Variants in PLEKHM3 observed in about 807,000 individuals in gnomAD.
The protein encoded by PLEKHM3 is pleckstrin homology domain containing M3.
A neutral mutation model predicts 81.8 loss-of-function variants in PLEKHM3; 45 were observed. That is an observed-to-expected ratio of 0.55 (90% CI 0.43 to 0.71). PLEKHM3 has a LOEUF of 0.71. PLEKHM3 is among the 30% of genes least tolerant of loss of function. The probability of loss-of-function intolerance (pLI) is 0.00; values close to 1 mark genes in which losing one functional copy is unlikely to be tolerated. For missense variants in PLEKHM3, 788 were observed against 924.3 expected, an observed-to-expected ratio of 0.85 and a Z score of 1.91; for synonymous variants, 352 against 356.4, an observed-to-expected ratio of 0.99 and a Z score of 0.14.
chr2:207,987,820 A>G (rs1691777784), intron 2 of PLEKHM3, among the ~76,000 whole-genome samples: 1 of 152,002 alleles, frequency 6.6e-6, no homozygotes, highest in African/African-American at 2.4e-5. Context: ...TTCAATCACA[A>G]AACTCTTCCA....
intron 6 of PLEKHM3, among the ~76,000 whole-genome samples, chr2:207,903,072 A>G (rs1384799835): frequency 3.3e-5 from 5 of 152,126 alleles, no homozygotes; most frequent in Non-Finnish European, 7.3e-5. Context: ...CTCTTTAGTA[A>G]GTACTCCAAA....
chr2:207,963,503 G>C (rs1304613886), intron 3 of PLEKHM3, among the ~76,000 whole-genome samples: 1 of 152,152 alleles, frequency 6.6e-6, no homozygotes, highest in Non-Finnish European at 1.5e-5. Flanking sequence ...TTTAGAAAAA[G>C]TCAGAATGAA....
At chr2:207,985,974 C>T (rs1421662627) in intron 2 of PLEKHM3, among the ~76,000 whole-genome samples, 7 of 133,410 alleles carry the variant, frequency 5.2e-5, no homozygotes, top group Admixed American at 5.0e-4. Context: ...GGCAACAGAG[C>T]GAGACTCCGT....
chr2:208,024,132 G>A (rs933366020), intron 1 of PLEKHM3, among the ~76,000 whole-genome samples: 2 of 111,490 alleles, frequency 1.8e-5, no homozygotes, highest in South Asian at 6.0e-4. Flanking sequence ...GACAGAGTAA[G>A]ACCCTGTCTC....
chr2:207,880,569 T>C (rs2092583211), intron 6 of PLEKHM3, among the ~76,000 whole-genome samples: 1 of 148,902 alleles, frequency 6.7e-6, no homozygotes, highest in Non-Finnish European at 1.5e-5. Context: ...CGAGACCATC[T>C]TGGCTAACAC....
At chr2:207,970,510 T>C (rs1559262736) in intron 3 of PLEKHM3, among the ~76,000 whole-genome samples, 2 of 152,318 alleles carry the variant, frequency 1.3e-5, no homozygotes, top group South Asian at 2.1e-4. Context: ...TGCTGTCATG[T>C]CAAGGGAATT....
chr2:207,995,383 A>G (rs1173513353), intron 2 of PLEKHM3, among the ~76,000 whole-genome samples: 1 of 152,180 alleles, frequency 6.6e-6, no homozygotes, highest in East Asian at 1.9e-4. Flanking sequence ...ACATTATCGT[A>G]CTGATCCCCA....
intron 3 of PLEKHM3, among the ~76,000 whole-genome samples, chr2:207,951,515 G>A (rs1352923344): frequency 6.6e-6 from 1 of 152,092 alleles, no homozygotes; most frequent in Non-Finnish European, 1.5e-5. Context: ...TCTCACCAGA[G>A]AACCCACTGG....
chr2:207,949,374 C>T (rs1031428706), intron 3 of PLEKHM3, among the ~76,000 whole-genome samples: 5 of 152,174 alleles, frequency 3.3e-5, no homozygotes, highest in African/African-American at 1.2e-4. Context: ...ATGGTGAAAC[C>T]CCATCTCTAC....
intron 5 of PLEKHM3, among the ~76,000 whole-genome samples, chr2:207,925,406 ACCT>A (rs1214137824): frequency 6.6e-6 from 1 of 151,870 alleles, no homozygotes; most frequent in Non-Finnish European, 1.5e-5. Context: ...TCCCCTGTTC[ACCT>A]CCTGGCTCCT....
intron 3 of PLEKHM3, among the ~76,000 whole-genome samples, chr2:207,957,294 T>A (rs1032396898): frequency 1.3e-5 from 2 of 152,242 alleles, no homozygotes; most frequent in Admixed American, 6.5e-5. Context: ...TAGTTGCTAC[T>A]GAAAGCATTT....
At chr2:207,970,376 T>C (rs1001658200) in intron 3 of PLEKHM3, among the ~76,000 whole-genome samples, 3 of 150,230 alleles carry the variant, frequency 2.0e-5, no homozygotes, top group Non-Finnish European at 4.4e-5. Context: ...CAGAGGTTCA[T>C]TGTCAATCAA....
In PLEKHM3 at chr2:207,977,489, T is replaced by C. The variant is rs1367986542; in HGVS notation, c.708A>G (p.Ser236=). The change falls in exon 3 of 8, where the codon TCA becomes TCG. Residue 236 remains serine (S), a synonymous_variant. Coordinates refer to ENST00000427836, the MANE Select transcript of PLEKHM3 (RefSeq NM_001080475.3). ...GGCTGTAGAAGTATAAGTTGTAAGG[T>C]GAAAGTTCTGCATAACAGCTTTGCC... is the stretch of plus-strand genomic sequence containing the variant. ...SYWQSCYAEL[S]PYNLYFYSLD... The C allele has an allele frequency of 2.5e-6, 4 of 1,614,188 alleles. No individual in the cohort carries two copies. Among genetic ancestry groups the C allele is most frequent in the Non-Finnish European group, 3.4e-6 (4 of 1,180,036 alleles).
chr2:207,999,702 C>T, intron 2 of PLEKHM3, among the ~76,000 whole-genome samples: 1 of 152,118 alleles, frequency 6.6e-6, no homozygotes, highest in East Asian at 1.9e-4. Context: ...CTGGTGAGAG[C>T]CTACGAGAGA....
intron 6 of PLEKHM3, among the ~76,000 whole-genome samples, chr2:207,906,503 T>A (rs1444906223): frequency 6.6e-6 from 1 of 152,210 alleles, no homozygotes; most frequent in Non-Finnish European, 1.5e-5. Flanking sequence ...TAAAATAACT[T>A]TCTGGCAGGG....
At chr2:207,849,780 A>T (rs1458412277) in intron 7 of PLEKHM3, among the ~76,000 whole-genome samples, 2 of 152,198 alleles carry the variant, frequency 1.3e-5, no homozygotes, top group African/African-American at 4.8e-5. Flanking sequence ...TATTCCCTTA[A>T]CTAATTAGTT....
chr2:207,922,543 T>C (rs1312634663), intron 5 of PLEKHM3, among the ~76,000 whole-genome samples: 1 of 151,852 alleles, frequency 6.6e-6, no homozygotes, highest in Non-Finnish European at 1.5e-5. Flanking sequence ...CCAGGCGCGG[T>C]GGCTCACGCC....
Position 207,827,213 on chromosome 2 carries a change from C to T in PLEKHM3, c.*1106G>A, listed in dbSNP as rs2092256133. The T allele has an allele frequency of 6.6e-6, 1 of 151,390 alleles. No homozygotes were observed. Among genetic ancestry groups the T allele is most frequent in the Non-Finnish European group, 1.5e-5 (1 of 67,872 alleles). The allele number at this position is 151,390 out of a possible 1,614,324, so 9.4% of individuals were successfully genotyped here. On this transcript the variant is annotated 3_prime_UTR_variant, in exon 8 of 8. Coordinates refer to ENST00000427836, the MANE Select transcript of PLEKHM3 (RefSeq NM_001080475.3). ...TTCCACATTACTCTGATTTTTTAAA[C>T]AAAAAAATGAGAAAGCAAGAATGGT...
At position 208,016,990 on chromosome 2, in the gene PLEKHM3, T is replaced by C. The variant is rs77634761; in HGVS notation, c.-319+8399A>G. Among the ~76,000 whole-genome samples the C allele has an allele frequency of 2.3e-3, 353 of 152,354 alleles. 1 individual carries two copies. The highest frequency in any genetic ancestry group is 8.0e-3 in the African/African-American group (332 of 41,580). ...TGCATATAACCTACGCACATCCTCC[T>C]GTAAGTCATCTCTAGGTTACTTACA... On this transcript the variant is annotated intron_variant, in intron 1 of 7. Coordinates refer to ENST00000427836, the MANE Select transcript of PLEKHM3 (RefSeq NM_001080475.3).
Sources: gnomAD v4.1 joint callset for allele counts (sites outside exome capture counted in the v4.1 genomes callset) on GRCh38, gnomAD v4.1.1 for gene constraint, MANE v1.5 for transcripts, NCBI Gene and HGNC (gene_info 2026-07-23, HGNC 2026-07-21) for gene names.